The following RPS6KC1 variants were observed in gnomAD, a reference collection of about 807,000 sequenced individuals.
RPS6KC1 encodes the protein inactive ribosomal protein S6 kinase delta-1.
Under a neutral mutation model 103.8 loss-of-function variants are expected in RPS6KC1, and 54 were observed. The observed-to-expected ratio is 0.52, with a 90% CI of 0.42 to 0.65. The LOEUF (loss-of-function observed/expected upper bound fraction) is 0.65, where lower values mean the gene tolerates loss of function less well. Among genes scored for constraint, RPS6KC1 ranks in the 30% least tolerant of loss-of-function variants. The pLI, the probability that RPS6KC1 is intolerant of heterozygous loss-of-function variation, is 0.00. For missense variants in RPS6KC1, 1,151 were observed against 1,253.8 expected, an observed-to-expected ratio of 0.92 and a Z score of 1.24; for synonymous variants, 439 against 438.7, an observed-to-expected ratio of 1.00 and a Z score of -0.01.
the RPS6KC1 span, among the ~76,000 whole-genome samples, chr1:213,448,771 A>G: frequency 1.0e-5 from 1 of 97,800 alleles, no homozygotes; most frequent in Non-Finnish European, 2.3e-5. Flanking sequence ...TCTGTTACAA[A>G]AAAAAAAAAA....
the RPS6KC1 span, among the ~76,000 whole-genome samples, chr1:213,408,767 G>A: frequency 1.2e-4 from 19 of 152,166 alleles, no homozygotes; most frequent in Non-Finnish European, 2.2e-4. Context: ...TCTTAGGGAA[G>A]GATTGTATTA....
the RPS6KC1 span, among the ~76,000 whole-genome samples, chr1:213,576,588 A>G: frequency 6.6e-6 from 1 of 152,108 alleles, no homozygotes; most frequent in Non-Finnish European, 1.5e-5. Flanking sequence ...CCCATATTAA[A>G]TTTAATCAAT....
the RPS6KC1 span, among the ~76,000 whole-genome samples, chr1:213,662,970 C>A: frequency 3.9e-5 from 6 of 152,212 alleles, no homozygotes; most frequent in Admixed American, 6.5e-5. Flanking sequence ...AATTTCCCAG[C>A]TAGAAGTAGC....
At chr1:213,220,453 A>T (rs754713042) in intron 8 of RPS6KC1, among the ~76,000 whole-genome samples, 1 of 152,128 alleles carries the variant, frequency 6.6e-6, no homozygotes, top group Non-Finnish European at 1.5e-5. Flanking sequence ...CAGCCTCCCA[A>T]GTAACTGGGG....
At chr1:213,095,095 G>C (rs899160575) in intron 3 of RPS6KC1, among the ~76,000 whole-genome samples, 1 of 152,152 alleles carries the variant, frequency 6.6e-6, no homozygotes, top group African/African-American at 2.4e-5. Flanking sequence ...CCAAAGCCCT[G>C]TAAGTCCTTT....
At chr1:213,191,187 C>T (rs1323809316) in intron 8 of RPS6KC1, among the ~76,000 whole-genome samples, 1 of 152,042 alleles carries the variant, frequency 6.6e-6, no homozygotes, top group African/African-American at 2.4e-5. Context: ...GTGAGGAATG[C>T]CATTAGTATT....
At chr1:213,299,633 GAAAT>G in the RPS6KC1 span, among the ~76,000 whole-genome samples, 2 of 148,070 alleles carry the variant, frequency 1.4e-5, no homozygotes, top group Admixed American at 1.3e-4. Context: ...AATATAAAAA[GAAAT>G]AAAGTTAATT....
the RPS6KC1 span, among the ~76,000 whole-genome samples, chr1:213,470,944 G>C: frequency 6.6e-6 from 1 of 152,084 alleles, no homozygotes. Context: ...TCTATAAAGA[G>C]AAACGTCCCC....
At chr1:213,757,890 C>G in the RPS6KC1 span, among the ~76,000 whole-genome samples, 1 of 152,152 alleles carries the variant, frequency 6.6e-6, no homozygotes, top group African/African-American at 2.4e-5. Flanking sequence ...AAGAATGATG[C>G]TAAATATACT....
Position 213,099,405 on chromosome 1 carries a change from G to A in RPS6KC1, c.263-5049G>A, listed in dbSNP as rs139548414. On this transcript the variant is annotated intron_variant, in intron 3 of 14. Coordinates refer to ENST00000366960, the MANE Select transcript of RPS6KC1 (RefSeq NM_012424.6). ...CTTATCATATATCTTTCCATAATCT[G>A]TCTTGTTTTTATGCATTTCAGCATA... is the stretch of plus-strand genomic sequence containing the variant. Among the ~76,000 whole-genome samples the A allele has an allele frequency of 2.3e-3, 350 of 152,182 alleles. 1 individual carries two copies. The highest frequency in any genetic ancestry group is 3.7e-3 in the Non-Finnish European group (249 of 67,998).
At chr1:213,278,497 T>A (rs1055916685), downstream of RPS6KC1, among the ~76,000 whole-genome samples, 12 of 152,160 alleles carry the variant, frequency 7.9e-5, no homozygotes, top group Admixed American at 2.0e-4. Flanking sequence ...AGAAAATGTG[T>A]TAGATATTTG....
chr1:213,449,514 G>A, the RPS6KC1 span, among the ~76,000 whole-genome samples: 7 of 152,050 alleles, frequency 4.6e-5, no homozygotes, highest in African/African-American at 1.2e-4. Flanking sequence ...CTTCTTAGAA[G>A]GACACCAGTC....
chr1:213,594,760 T>C, the RPS6KC1 span, among the ~76,000 whole-genome samples: 4 of 152,216 alleles, frequency 2.6e-5, no homozygotes, highest in Non-Finnish European at 5.9e-5. Flanking sequence ...TGGAGTCTGC[T>C]GTGGTAGACT....
intron 12 of RPS6KC1, among the ~76,000 whole-genome samples, chr1:213,250,057 C>CA (rs1469489470): frequency 1.3e-5 from 2 of 152,166 alleles, no homozygotes; most frequent in Non-Finnish European, 2.9e-5. Context: ...GGTCTGCACT[C>CA]ACGTCCAGTT....
At chr1:213,470,611 A>ATTTTTTT in the RPS6KC1 span, among the ~76,000 whole-genome samples, 1 of 99,806 alleles carries the variant, frequency 1.0e-5, no homozygotes, top group African/African-American at 4.0e-5. Context: ...TTTATTCTTA[A>ATTTTTTT]TTTTTTTTTT....
the RPS6KC1 span, among the ~76,000 whole-genome samples, chr1:213,467,141 G>C: frequency 6.6e-6 from 1 of 152,102 alleles, no homozygotes; most frequent in Admixed American, 6.6e-5. Context: ...AGAGCCTACT[G>C]ACAAAGGGGT....
chr1:213,751,273 G>A, the RPS6KC1 span, among the ~76,000 whole-genome samples: 707 of 152,180 alleles, frequency 4.6e-3, 5 homozygotes, highest in African/African-American at 0.016. Flanking sequence ...CATGCACAGA[G>A]TGTGTTACGT....
At chr1:213,717,505 T>G in the RPS6KC1 span, among the ~76,000 whole-genome samples, 1 of 152,106 alleles carries the variant, frequency 6.6e-6, no homozygotes, top group African/African-American at 2.4e-5. Context: ...AAGCGTTGAG[T>G]TTATATGAGA....
the RPS6KC1 span, among the ~76,000 whole-genome samples, chr1:213,809,391 A>G: frequency 7.5e-3 from 1,146 of 152,318 alleles, 48 homozygotes; most frequent in Admixed American, 0.06. Flanking sequence ...ACGATAATTT[A>G]AAAGTTTGAG....
Sources: gnomAD v4.1 joint callset for allele counts (sites outside exome capture counted in the v4.1 genomes callset) on GRCh38, gnomAD v4.1.1 for gene constraint, MANE v1.5 for transcripts, NCBI Gene and HGNC (gene_info 2026-07-23, HGNC 2026-07-21) for gene names.